The following CFAP47 variants were observed in gnomAD, a reference collection of about 807,000 sequenced individuals.
CFAP47 encodes cilia- and flagella-associated protein 47.
In CFAP47, 29 loss-of-function variants were observed where a neutral mutation model predicts 148.1. That is an observed-to-expected ratio of 0.20 (90% CI 0.15 to 0.27). CFAP47 has a LOEUF of 0.27. CFAP47 is among the 10% of genes least tolerant of loss of function. The pLI is 1.00. For synonymous variants in CFAP47, 664 were observed against 577.3 expected, an observed-to-expected ratio of 1.15 and a Z score of -2.15; for missense variants, 1,872 against 1,697.5, an observed-to-expected ratio of 1.10 and a Z score of -1.81.
intron 8 of CFAP47, among the ~76,000 whole-genome samples, chrX:35,961,730 A>G (rs907349871): frequency 9.0e-6 from 1 of 110,944 alleles, no homozygotes; most frequent in Non-Finnish European, 1.9e-5. Context: ...TATTAAGTCT[A>G]GTTAAAATTT....
chrX:36,228,197 C>G (rs1456749866), intron 45 of CFAP47, among the ~76,000 whole-genome samples: 1 of 111,465 alleles, frequency 9.0e-6, no homozygotes, highest in Non-Finnish European at 1.9e-5. Flanking sequence ...TCTATCTCAG[C>G]CCCCTTTCTA....
intron 50 of CFAP47, 107 bp downstream of exon 50, chrX:36,280,737 G>C: frequency 3.0e-6 from 1 of 333,704 alleles, no homozygotes; most frequent in Non-Finnish European, 5.2e-6. Flanking sequence ...ATCCAAATTT[G>C]TATTGCATGT....
At chrX:35,994,372 A>G (rs188163849) in intron 18 of CFAP47, among the ~76,000 whole-genome samples, 3 of 112,293 alleles carry the variant, frequency 2.7e-5, no homozygotes, top group East Asian at 5.6e-4. Context: ...CTCAAAGACT[A>G]GAGTGTTCTT....
At chrX:36,156,664 A>G (rs1185174132) in intron 37 of CFAP47, among the ~76,000 whole-genome samples, 17 of 109,870 alleles carry the variant, frequency 1.5e-4, no homozygotes, top group Non-Finnish European at 2.9e-4. Context: ...CAATTGGAGC[A>G]AAAAAAATAA....
At chrX:36,113,155 C>T (rs763465467) in intron 33 of CFAP47, among the ~76,000 whole-genome samples, 40 of 111,925 alleles carry the variant, frequency 3.6e-4, no homozygotes, top group African/African-American at 1.1e-3. Context: ...GGTTATTATG[C>T]AGACTTGTTT....
chrX:35,983,227 G>A (rs1936670262), intron 15 of CFAP47, among the ~76,000 whole-genome samples: 1 of 111,352 alleles, frequency 9.0e-6, no homozygotes, highest in Admixed American at 9.5e-5. Flanking sequence ...TTGGGATCAC[G>A]TTCCTGATTT....
At chrX:36,279,072 A>G (rs782412605) in intron 49 of CFAP47, among the ~76,000 whole-genome samples, 1 of 112,016 alleles carries the variant, frequency 8.9e-6, no homozygotes, top group African/African-American at 3.2e-5. Context: ...TTTCCAAATT[A>G]GGCATTTCTT....
intron 46 of CFAP47, among the ~76,000 whole-genome samples, chrX:36,231,270 T>C (rs1940353596): frequency 9.2e-6 from 1 of 108,422 alleles, no homozygotes; most frequent in Non-Finnish European, 1.9e-5. Flanking sequence ...CATTTGTTTG[T>C]ATCCTCTTTT....
chrX:35,975,646 A>G lies in CFAP47; in HGVS notation c.2472-26A>G, dbSNP rs752505642. 2.5e-6 allele frequency: 3 copies of G among 1,202,617 alleles called. No individual in the cohort carries two copies. In the East Asian group the frequency reaches 8.9e-5, roughly 36 times the overall value. ...ATCACAAATAACTATTATCAGTTAA[A>G]TTTGGATGCTTTTGCTGCATTACAG... is the stretch of plus-strand genomic sequence containing the variant. On this transcript the variant is annotated intron_variant, in intron 14 of 63. Coordinates refer to ENST00000378653, the MANE Select transcript of CFAP47 (RefSeq NM_001304548.2).
chrX:36,116,705 A>G (rs1342113790), intron 33 of CFAP47, among the ~76,000 whole-genome samples: 3 of 112,042 alleles, frequency 2.7e-5, no homozygotes, highest in Non-Finnish European at 5.6e-5. Context: ...TTAATTATAT[A>G]ATGGGGTATC....
intron 28 of CFAP47, 56 bp from the exon 29 acceptor site, chrX:36,073,081 CAG>C (rs1420229009): frequency 3.7e-5 from 30 of 811,418 alleles, no homozygotes; most frequent in Non-Finnish European, 4.6e-5. Context: ...CAATAACTGA[CAG>C]AATATTTTAC....
chrX:35,967,932 C>CAATAATAATAAT (rs112359946), intron 10 of CFAP47, 100 bp downstream of exon 10: 2 of 274,637 alleles, frequency 7.3e-6, no homozygotes, highest in African/African-American at 6.2e-5. Flanking sequence ...CTAATGATTA[C>CAATAATAATAAT]AATAATAATA....
At chrX:36,248,299 A>G in intron 48 of CFAP47, among the ~76,000 whole-genome samples, 1 of 105,297 alleles carries the variant, frequency 9.5e-6, no homozygotes, top group Non-Finnish European at 1.9e-5. Context: ...AGAATTATGT[A>G]GTATTAACAT....
chrX:35,970,980 AT>A (rs1177649057), intron 11 of CFAP47, 57 bp downstream of exon 11: 454 of 979,579 alleles, frequency 4.6e-4, no homozygotes, highest in Admixed American at 6.6e-4. Context: ...CAGAGTCAGA[AT>A]TTTTTTTTAA....
intron 3 of CFAP47, among the ~76,000 whole-genome samples, chrX:35,943,781 C>A (rs1046296859): frequency 5.4e-5 from 6 of 111,483 alleles, no homozygotes; most frequent in Non-Finnish European, 1.1e-4. Context: ...AAAATCATTT[C>A]TTCCTTAATG....
intron 49 of CFAP47, among the ~76,000 whole-genome samples, chrX:36,279,832 G>A (rs1941058512): frequency 9.1e-6 from 1 of 110,346 alleles, no homozygotes; most frequent in South Asian, 3.8e-4. Flanking sequence ...AGCCTCCCAA[G>A]TAGCTGGGAT....
At chrX:36,004,000 C>G (rs760592854) in intron 21 of CFAP47, among the ~76,000 whole-genome samples, 2 of 87,474 alleles carry the variant, frequency 2.3e-5, no homozygotes, top group Non-Finnish European at 4.2e-5. Context: ...TTAGATGGAG[C>G]CTCACTCTGT....
chrX:36,076,491 A>AT (rs1473256960), intron 29 of CFAP47, among the ~76,000 whole-genome samples: 2 of 109,986 alleles, frequency 1.8e-5, no homozygotes, highest in Admixed American at 1.9e-4. Flanking sequence ...ATGTTTAGTA[A>AT]TGTTGAGCAC....
At chrX:36,076,379 T>C (rs1365215537) in intron 29 of CFAP47, among the ~76,000 whole-genome samples, 1 of 89,616 alleles carries the variant, frequency 1.1e-5, no homozygotes, top group East Asian at 3.8e-4. Flanking sequence ...TTCACTTTTC[T>C]CTGCAGCCTC....
Sources: gnomAD v4.1 joint callset for allele counts (sites outside exome capture counted in the v4.1 genomes callset) on GRCh38, gnomAD v4.1.1 for gene constraint, MANE v1.5 for transcripts, NCBI Gene and HGNC (gene_info 2026-07-23, HGNC 2026-07-21) for gene names.